AK5: variants seen among roughly 807,000 people sequenced by gnomAD.
AK5 encodes adenylate kinase isoenzyme 5.
Under a neutral mutation model 69.5 loss-of-function variants are expected in AK5, and 27 were observed. That is an observed-to-expected ratio of 0.39 (90% CI 0.29 to 0.54). The LOEUF (loss-of-function observed/expected upper bound fraction) is 0.54. Among genes scored for constraint, AK5 ranks in the 20% least tolerant of loss-of-function variants. The pLI is 0.71. For missense variants in AK5, 531 were observed against 700.4 expected, an observed-to-expected ratio of 0.76 and a Z score of 2.73; for synonymous variants, 260 against 244.4, an observed-to-expected ratio of 1.06 and a Z score of -0.60.
At chr1:77,363,640 T>C (rs1425888906) in intron 6 of AK5, among the ~76,000 whole-genome samples, 1 of 152,154 alleles carries the variant, frequency 6.6e-6, no homozygotes, top group African/African-American at 2.4e-5. Context: ...ATCCCACTTC[T>C]CTCACTGTCC....
intron 6 of AK5, among the ~76,000 whole-genome samples, chr1:77,394,921 C>A (rs1648733673): frequency 6.6e-6 from 1 of 151,854 alleles, no homozygotes; most frequent in Non-Finnish European, 1.5e-5. Context: ...AATTGTAACT[C>A]ACATAGCTTT....
intron 6 of AK5, among the ~76,000 whole-genome samples, chr1:77,405,787 T>G (rs1279183963): frequency 6.6e-6 from 1 of 152,128 alleles, no homozygotes; most frequent in Non-Finnish European, 1.5e-5. Flanking sequence ...CCTACCAGAC[T>G]GGCCTGAGAT....
chr1:77,312,044 G>A (rs1446150766), intron 5 of AK5, among the ~76,000 whole-genome samples: 1 of 152,040 alleles, frequency 6.6e-6, no homozygotes, highest in Non-Finnish European at 1.5e-5. Context: ...CGTTATTTTC[G>A]GCCAGAAGGG....
intron 2 of AK5, among the ~76,000 whole-genome samples, chr1:77,290,497 A>G (rs1255126443): frequency 2.0e-5 from 3 of 152,232 alleles, no homozygotes; most frequent in Non-Finnish European, 4.4e-5. Flanking sequence ...TGATAAAGCA[A>G]GGATTAAATT....
chr1:77,405,914 C>G (rs887490999), intron 6 of AK5, among the ~76,000 whole-genome samples: 1 of 150,788 alleles, frequency 6.6e-6, no homozygotes, highest in South Asian at 2.1e-4. Flanking sequence ...TTTTCCACTT[C>G]ACGCTTAATG....
At chr1:77,496,193 A>G (rs911931282) in intron 10 of AK5, among the ~76,000 whole-genome samples, 3 of 152,206 alleles carry the variant, frequency 2.0e-5, no homozygotes, top group African/African-American at 7.2e-5. Flanking sequence ...GCCAAGTGCT[A>G]ACTGGGAAGA....
In AK5 at chr1:77,282,556, G is replaced by A. The variant is rs78508623; in HGVS notation, c.60+183G>A. The A allele has an allele frequency of 2.6e-3, 3,624 of 1,375,858 alleles. 90 individuals carry two copies. The African/African-American group carries it at 0.05, about 19-fold the overall frequency. 85.2% of individuals were successfully genotyped at this position (1,375,858 alleles called of 1,614,324 possible). A position where few individuals can be genotyped will look rare whatever the true frequency, so the allele number is the denominator to read the frequency against. On this transcript the variant is annotated intron_variant, in intron 1 of 13. Coordinates refer to ENST00000354567, the MANE Select transcript of AK5 (RefSeq NM_174858.3). The stretch of plus-strand genomic sequence containing the variant: ...TTTCCCGCGGGTTGCCAGGGTCCTT[G>A]TCAGAAGGCTGGGCTTAGAAGCCTG...
At chr1:77,467,902 C>G (rs1466822862) in intron 8 of AK5, among the ~76,000 whole-genome samples, 1 of 152,194 alleles carries the variant, frequency 6.6e-6, no homozygotes, top group South Asian at 2.1e-4. Context: ...CTCATCATCC[C>G]TCACCCGGTG....
chr1:77,367,551 T>TTTTATATATATA (rs1553139653), intron 6 of AK5, among the ~76,000 whole-genome samples: 3 of 19,706 alleles, frequency 1.5e-4, no homozygotes, highest in Non-Finnish European at 2.9e-4. Flanking sequence ...CTCATTTATG[T>TTTTATATATATA]TATTTTTATA....
intron 5 of AK5, among the ~76,000 whole-genome samples, chr1:77,299,026 T>G (rs563367583): frequency 6.6e-6 from 1 of 152,322 alleles, no homozygotes; most frequent in South Asian, 2.1e-4. Flanking sequence ...CATACATGTA[T>G]GGACACATGT....
chr1:77,520,816 G>A (rs1347610488), intron 11 of AK5, among the ~76,000 whole-genome samples: 1 of 152,100 alleles, frequency 6.6e-6, no homozygotes, highest in Non-Finnish European at 1.5e-5. Flanking sequence ...TAAACTTCAT[G>A]AGGACTTCAT....
intron 6 of AK5, among the ~76,000 whole-genome samples, chr1:77,349,896 C>A (rs1318348112): frequency 6.6e-6 from 1 of 152,184 alleles, no homozygotes; most frequent in East Asian, 1.9e-4. Context: ...TTAAGTCTTA[C>A]GTTCCATTTC....
chr1:77,424,825 AAG>A (rs1025790193), intron 8 of AK5, among the ~76,000 whole-genome samples: 3 of 152,198 alleles, frequency 2.0e-5, no homozygotes, highest in African/African-American at 7.2e-5. Flanking sequence ...AAGGAAAAGA[AAG>A]AGAGTAATGA....
intron 5 of AK5, among the ~76,000 whole-genome samples, chr1:77,336,175 G>A (rs898396169): frequency 6.1e-5 from 9 of 147,400 alleles, no homozygotes; most frequent in Middle Eastern, 3.5e-3. Flanking sequence ...TCCGCCTCCC[G>A]GGTTCAAGTG....
intron 6 of AK5, among the ~76,000 whole-genome samples, chr1:77,353,662 C>T (rs940154719): frequency 2.6e-5 from 4 of 152,168 alleles, no homozygotes; most frequent in Non-Finnish European, 4.4e-5. Flanking sequence ...CCAGTCTGCC[C>T]TGTTTCACCC....
At chr1:77,409,726 C>A (rs1027018551) in intron 6 of AK5, among the ~76,000 whole-genome samples, 1 of 152,176 alleles carries the variant, frequency 6.6e-6, no homozygotes, top group Middle Eastern at 3.2e-3. Flanking sequence ...TTTAGCAGTG[C>A]AGAAGCTCTC....
intron 5 of AK5, among the ~76,000 whole-genome samples, chr1:77,301,888 T>C (rs915151459): frequency 6.6e-6 from 1 of 152,180 alleles, no homozygotes; most frequent in Non-Finnish European, 1.5e-5. Context: ...TGAGAAGTTC[T>C]TCCTTGTCCA....
intron 13 of AK5, among the ~76,000 whole-genome samples, chr1:77,545,949 C>T (rs1451424431): frequency 6.6e-6 from 1 of 152,194 alleles, no homozygotes; most frequent in African/African-American, 2.4e-5. Context: ...ATAAGTCTTC[C>T]ATCTGGCTCT....
intron 6 of AK5, among the ~76,000 whole-genome samples, chr1:77,382,946 T>G (rs1404064691): frequency 6.6e-6 from 1 of 152,192 alleles, no homozygotes; most frequent in African/African-American, 2.4e-5. Flanking sequence ...GACAACCCAC[T>G]TATGGTCCTA....
Sources: gnomAD v4.1 joint callset for allele counts (sites outside exome capture counted in the v4.1 genomes callset) on GRCh38, gnomAD v4.1.1 for gene constraint, MANE v1.5 for transcripts, NCBI Gene and HGNC (gene_info 2026-07-23, HGNC 2026-07-21) for gene names.